Variants in PLEKHM2 observed in about 807,000 individuals in gnomAD.
PLEKHM2 encodes pleckstrin homology domain-containing family M member 2.
Under a neutral mutation model 116.3 loss-of-function variants are expected in PLEKHM2, and 77 were observed. The observed-to-expected ratio is 0.66, with a 90% CI of 0.55 to 0.80. The LOEUF (loss-of-function observed/expected upper bound fraction) is 0.80, where lower values mean the gene tolerates loss of function less well. PLEKHM2 is among the 30% of genes least tolerant of loss of function. The probability of loss-of-function intolerance (pLI) is 0.00; values close to 1 mark genes in which losing one functional copy is unlikely to be tolerated. For missense variants in PLEKHM2, 1,183 were observed against 1,354.9 expected, an observed-to-expected ratio of 0.87 and a Z score of 1.99; for synonymous variants, 562 against 571.0, an observed-to-expected ratio of 0.98 and a Z score of 0.22.
At chr1:15,703,022 G>A (rs547940942) in intron 1 of PLEKHM2, among the ~76,000 whole-genome samples, 4 of 152,314 alleles carry the variant, frequency 2.6e-5, no homozygotes, top group South Asian at 4.1e-4. Context: ...GAGCCACAGC[G>A]CCCAGCCCTC....
Position 15,725,281 on chromosome 1 carries a change from C to A in PLEKHM2, c.713-36C>A, listed in dbSNP as rs548350791. ...TGGGGGTCGGGGACCCCGGGGGGTGCCTGACAGGGTGTCTCCTGCTTCCTT... is the reference window on the plus strand; with the variant it reads ...TGGGGGTCGGGGACCCCGGGGGGTGACTGACAGGGTGTCTCCTGCTTCCTT... On this transcript the variant is annotated intron_variant, in intron 7 of 19. Transcript: ENST00000375799. The A allele has an allele frequency of 4.0e-6, 6 of 1,481,794 alleles. No individual in the cohort carries two copies. The East Asian group carries it at 1.5e-4, about 37-fold the overall frequency. The allele number at this position is 1,481,794 out of a possible 1,614,324, so 91.8% of individuals were successfully genotyped here. A position where few individuals can be genotyped will look rare whatever the true frequency, so the allele number is the denominator to read the frequency against.
intron 1 of PLEKHM2, among the ~76,000 whole-genome samples, chr1:15,694,218 G>A (rs1050128551): frequency 2.0e-5 from 3 of 152,060 alleles, no homozygotes; most frequent in Non-Finnish European, 2.9e-5. Flanking sequence ...TGGGCATGGT[G>A]GCACATGCAT....
At chr1:15,697,399 G>T (rs762180093) in intron 1 of PLEKHM2, among the ~76,000 whole-genome samples, 5 of 152,224 alleles carry the variant, frequency 3.3e-5, no homozygotes, top group African/African-American at 4.8e-5. Flanking sequence ...CCCTCCGTAA[G>T]AAGTCAATCC....
At chr1:15,718,510 C>T in intron 4 of PLEKHM2, 28 bp from the exon 5 acceptor site, 1 of 1,376,784 alleles carries the variant, frequency 7.3e-7, no homozygotes, top group Non-Finnish European at 1.0e-6. Context: ...GACCCAGAGG[C>T]ACCATCGTGG....
At chr1:15,710,382 C>CA (rs912826710) in intron 1 of PLEKHM2, among the ~76,000 whole-genome samples, 12 of 151,764 alleles carry the variant, frequency 7.9e-5, no homozygotes, top group African/African-American at 2.9e-4. Flanking sequence ...GGTTGGAGTG[C>CA]AGTGGCATGA....
intron 1 of PLEKHM2, among the ~76,000 whole-genome samples, chr1:15,713,637 T>TG (rs1641380275): frequency 1.3e-5 from 2 of 152,010 alleles, no homozygotes; most frequent in African/African-American, 4.8e-5. Context: ...TTTGTTTGTT[T>TG]TTTGTTTTTT....
intron 1 of PLEKHM2, among the ~76,000 whole-genome samples, chr1:15,709,133 C>A (rs543013113): frequency 1.3e-5 from 2 of 152,300 alleles, no homozygotes; most frequent in East Asian, 3.9e-4. Flanking sequence ...GCTCTGCCAC[C>A]GTCCTGATGC....
chr1:15,694,305 C>T lies in PLEKHM2; in HGVS notation c.60+9687C>T, dbSNP rs185255571. On this transcript the variant is annotated intron_variant, in intron 1 of 19. Transcript: ENST00000375799. Reference sequence around the variant, plus strand: ...TGGAGGTCGCAGTGAGCCAAGATCGCGCCACTGTACTCTAGCCTGAGCGAC... The same window carrying T: ...TGGAGGTCGCAGTGAGCCAAGATCGTGCCACTGTACTCTAGCCTGAGCGAC... Among the ~76,000 whole-genome samples, 17 of 151,918 alleles carry T rather than the reference C, an allele frequency of 1.1e-4. No homozygotes were observed. The East Asian group carries it at 2.3e-3, about 21-fold the overall frequency.
At chr1:15,733,763 G>A (rs1343823318) in intron 19 of PLEKHM2, 34 bp from the exon 20 acceptor site, 1 of 1,605,336 alleles carries the variant, frequency 6.2e-7, no homozygotes, top group Non-Finnish European at 8.5e-7. Flanking sequence ...GGCCCTCAGT[G>A]GCCCTCATCT....
intron 1 of PLEKHM2, among the ~76,000 whole-genome samples, chr1:15,698,564 T>G (rs1444078602): frequency 1.3e-5 from 2 of 149,966 alleles, no homozygotes; most frequent in Non-Finnish European, 3.0e-5. Flanking sequence ...TTTTTTTTTT[T>G]TTTGACATAG....
chr1:15,729,979 G>A lies in PLEKHM2; in HGVS notation c.2208+50G>A. ...GTGCAGCCCCTGAGATGGCAGAGCA[G>A]CAGCCGCCTTGGCGTGAGCGTTAAG... is the stretch of plus-strand genomic sequence containing the variant. On this transcript the variant is annotated intron_variant, in intron 14 of 19. Coordinates refer to ENST00000375799, the MANE Select transcript of PLEKHM2 (RefSeq NM_015164.4). The surrounding 1 kb of genome is among the most constrained non-coding windows in gnomAD (Gnocchi z 4.7). 6.1e-6 allele frequency: 9 copies of A among 1,463,596 alleles called. No individual in the cohort carries two copies. The highest frequency in any genetic ancestry group is 8.3e-6 in the Non-Finnish European group (9 of 1,089,880). 90.7% of individuals were successfully genotyped at this position (1,463,596 alleles called of 1,614,324 possible). A position where few individuals can be genotyped will look rare whatever the true frequency, so the allele number is the denominator to read the frequency against.
Position 15,684,697 on chromosome 1 carries a change from G to GGCGACCCTGCTGCAGCAGGGACTC in PLEKHM2, c.60+80_60+81insCGACCCTGCTGCAGCAGGGACTCG, listed in dbSNP as rs369410677. The GGCGACCCTGCTGCAGCAGGGACTC allele has an allele frequency of 4.7e-5, 37 of 795,264 alleles. No homozygotes were observed. In the African/African-American group the frequency reaches 5.9e-4, roughly 13 times the overall value. 49.3% of individuals were successfully genotyped at this position (795,264 alleles called of 1,614,324 possible). A position where few individuals can be genotyped will look rare whatever the true frequency, so the allele number is the denominator to read the frequency against. ...CCCTCCGGCGGCGCTCTCCCGGGCC[G>GGCGACCCTGCTGCAGCAGGGACTC]GGGCCCCCCGCCCTTCCCCTCCGCG... On this transcript the variant is annotated intron_variant, in intron 1 of 19. Coordinates refer to ENST00000375799, the MANE Select transcript of PLEKHM2 (RefSeq NM_015164.4).
At chr1:15,702,757 G>T in intron 1 of PLEKHM2, among the ~76,000 whole-genome samples, 1 of 112,952 alleles carries the variant, frequency 8.9e-6, no homozygotes, top group South Asian at 2.7e-4. Flanking sequence ...GTCTCACTCT[G>T]TTGCCCAGGC....
At chr1:15,699,423 A>G (rs905154901) in intron 1 of PLEKHM2, among the ~76,000 whole-genome samples, 3 of 152,076 alleles carry the variant, frequency 2.0e-5, no homozygotes, top group Admixed American at 2.0e-4. Context: ...GTTCCCACCT[A>G]TGAAGGAGAA....
intron 1 of PLEKHM2, 32 bp downstream of exon 1, chr1:15,684,650 C>G: frequency 1.7e-6 from 2 of 1,208,738 alleles, no homozygotes; most frequent in African/African-American, 3.2e-5. Flanking sequence ...GCCGGGGCCC[C>G]TTCCTCGCCG....
intron 6 of PLEKHM2, 135 bp downstream of exon 6, chr1:15,720,055 A>G: frequency 1.6e-6 from 1 of 637,012 alleles, no homozygotes; most frequent in East Asian, 3.0e-5. Context: ...AGGGCTGGCC[A>G]TTTCCCAGAT....
upstream of PLEKHM2, among the ~76,000 whole-genome samples, chr1:15,682,645 A>C (rs567677937): frequency 4.6e-4 from 37 of 81,186 alleles, no homozygotes; most frequent in East Asian, 6.6e-3. Context: ...AAACAAAACA[A>C]AAAAAACAAA....
At chr1:15,722,958 C>T (rs938758220) in intron 7 of PLEKHM2, 2 of 152,152 alleles carry the variant, frequency 1.3e-5, no homozygotes, top group African/African-American at 4.8e-5. Flanking sequence ...ACTAACAGCC[C>T]AGTTGCACTG....
intron 1 of PLEKHM2, among the ~76,000 whole-genome samples, chr1:15,712,244 T>C (rs953847950): frequency 6.6e-6 from 1 of 152,232 alleles, no homozygotes; most frequent in African/African-American, 2.4e-5. Context: ...AATATGGATG[T>C]TCCACTGCGC....
Sources: gnomAD v4.1 joint callset for allele counts (sites outside exome capture counted in the v4.1 genomes callset) on GRCh38, gnomAD v4.1.1 for gene constraint, Gnocchi (gnomAD v3.1) non-coding constraint, MANE v1.5 for transcripts, NCBI Gene and HGNC (gene_info 2026-07-23, HGNC 2026-07-21) for gene names.